The following ZBTB7C variants were observed in gnomAD, a reference collection of about 807,000 sequenced individuals.
ZBTB7C encodes the protein zinc finger and BTB domain-containing protein 7C.
A neutral mutation model predicts 25.7 loss-of-function variants in ZBTB7C; 8 were observed. The ratio of observed to expected loss-of-function variants is 0.31; its 90% CI spans 0.18 to 0.56. ZBTB7C has a LOEUF of 0.56. ZBTB7C is among the 20% of genes least tolerant of loss of function. The probability of loss-of-function intolerance (pLI) is 0.91; values close to 1 mark genes in which losing one functional copy is unlikely to be tolerated. For synonymous variants in ZBTB7C, 394 were observed against 369.0 expected (o/e 1.07, Z -0.78); for missense variants, 824 against 855.2 (o/e 0.96, Z 0.46).
At chr18:48,046,955 C>T (rs896190193) in intron 3 of ZBTB7C, among the ~76,000 whole-genome samples, 1 of 152,156 alleles carries the variant, frequency 6.6e-6, no homozygotes, top group African/African-American at 2.4e-5. Context: ...GCTGGTTTTC[C>T]CAGCAGTGAC....
At chr18:48,186,270 T>C (rs1184778221) in intron 2 of ZBTB7C, among the ~76,000 whole-genome samples, 1 of 152,196 alleles carries the variant, frequency 6.6e-6, no homozygotes, top group Non-Finnish European at 1.5e-5. Flanking sequence ...TCCAATTCCC[T>C]GAAGGCGCCC....
At chr18:48,189,740 C>G (rs1599066085) in intron 2 of ZBTB7C, among the ~76,000 whole-genome samples, 1 of 152,154 alleles carries the variant, frequency 6.6e-6, no homozygotes, top group Non-Finnish European at 1.5e-5. Flanking sequence ...CCTGGGTGCT[C>G]TCAATCCCAA....
intron 3 of ZBTB7C, among the ~76,000 whole-genome samples, chr18:48,126,834 A>G (rs573052580): frequency 7.1e-5 from 10 of 141,762 alleles, no homozygotes; most frequent in African/African-American, 2.5e-4. Context: ...CAGGAAACAG[A>G]GAAAATGACT....
chr18:48,227,034 A>G (rs866977854), intron 2 of ZBTB7C, among the ~76,000 whole-genome samples: 170 of 149,520 alleles, frequency 1.1e-3, no homozygotes, highest in African/African-American at 3.6e-3. Flanking sequence ...AAAAAAAAAA[A>G]AAAAGAAAAA....
intron 2 of ZBTB7C, among the ~76,000 whole-genome samples, chr18:48,234,163 C>G (rs559074051): frequency 4.3e-4 from 65 of 152,110 alleles, no homozygotes; most frequent in African/African-American, 1.5e-3. Context: ...AAAAACAACC[C>G]TTCTTTCTGA....
At chr18:48,347,587 C>A (rs1459191300) in intron 1 of ZBTB7C, among the ~76,000 whole-genome samples, 1 of 152,134 alleles carries the variant, frequency 6.6e-6, no homozygotes, top group African/African-American at 2.4e-5. Context: ...CTGGGCACAC[C>A]AGCTTCCACC....
intron 3 of ZBTB7C, among the ~76,000 whole-genome samples, chr18:48,059,599 C>T (rs928692681): frequency 6.6e-6 from 1 of 152,198 alleles, no homozygotes; most frequent in African/African-American, 2.4e-5. Context: ...AGGGCTGTCA[C>T]TTCTTACTAC....
intron 2 of ZBTB7C, among the ~76,000 whole-genome samples, chr18:48,255,800 A>G (rs2044005247): frequency 6.6e-6 from 1 of 152,204 alleles, no homozygotes; most frequent in African/African-American, 2.4e-5. Flanking sequence ...AACATCTTTA[A>G]ATCAGATGTG....
At chr18:48,139,883 C>T (rs1019278454) in intron 3 of ZBTB7C, among the ~76,000 whole-genome samples, 5 of 152,180 alleles carry the variant, frequency 3.3e-5, no homozygotes, top group African/African-American at 1.2e-4. Flanking sequence ...TGGATTCCTT[C>T]CTAGGCCCTC....
At chr18:48,156,671 G>T (rs2040848918) in intron 3 of ZBTB7C, among the ~76,000 whole-genome samples, 1 of 152,160 alleles carries the variant, frequency 6.6e-6, no homozygotes, top group Non-Finnish European at 1.5e-5. Flanking sequence ...ACAATAGGAA[G>T]CCTCATGGCA....
At chr18:48,294,663 C>A (rs1445783914) in intron 2 of ZBTB7C, among the ~76,000 whole-genome samples, 1 of 150,890 alleles carries the variant, frequency 6.6e-6, no homozygotes, top group African/African-American at 2.4e-5. Context: ...TGTTGACCTG[C>A]CCCCCACCCC....
At chr18:48,228,784 TAC>T (rs1219639770) in intron 2 of ZBTB7C, among the ~76,000 whole-genome samples, 3 of 122,458 alleles carry the variant, frequency 2.4e-5, no homozygotes, top group African/African-American at 8.2e-5. Context: ...CTCGTGCTCA[TAC>T]ACACTCGTAC....
chr18:48,373,211 C>T (rs2145171216), intron 1 of ZBTB7C, among the ~76,000 whole-genome samples: 1 of 150,860 alleles, frequency 6.6e-6, no homozygotes, highest in African/African-American at 2.4e-5. Flanking sequence ...GGGGCGGATC[C>T]CTCACGGCTT....
chr18:48,078,922 A>G lies in ZBTB7C; in HGVS notation c.-16-37799T>C, dbSNP rs1050537331. Among the ~76,000 whole-genome samples, 5 of 152,102 alleles carry G rather than the reference A, an allele frequency of 3.3e-5. No individual in the cohort carries two copies. In the East Asian group the frequency reaches 7.7e-4, roughly 23 times the overall value. On this transcript the variant is annotated intron_variant, in intron 3 of 4. Transcript: ENST00000590800. Reference sequence around the variant, plus strand: ...CTAAATAATATTCCACTGAATGCATATATCACAATTTGTTCATTCATTCAT... The same window carrying G: ...CTAAATAATATTCCACTGAATGCATGTATCACAATTTGTTCATTCATTCAT...
intron 3 of ZBTB7C, among the ~76,000 whole-genome samples, chr18:48,060,343 C>T (rs1466330769): frequency 4.6e-5 from 7 of 152,188 alleles, no homozygotes; most frequent in Non-Finnish European, 1.0e-4. Flanking sequence ...CCACCCTTCA[C>T]TTCCGCCAAC....
chr18:48,133,802 G>A (rs891772162), intron 3 of ZBTB7C, among the ~76,000 whole-genome samples: 9 of 152,102 alleles, frequency 5.9e-5, no homozygotes, highest in Non-Finnish European at 1.2e-4. Flanking sequence ...CTCTCAACCC[G>A]ATTCCCCTCC....
At chr18:48,041,525 C>A in intron 3 of ZBTB7C, 2 of 985,444 alleles carry the variant, frequency 2.0e-6, no homozygotes, top group Non-Finnish European at 2.4e-6. Context: ...GGGGCAAGGA[C>A]CTCTCAGTGC....
intron 3 of ZBTB7C, among the ~76,000 whole-genome samples, chr18:48,073,428 T>C (rs1180957985): frequency 1.3e-5 from 2 of 150,568 alleles, no homozygotes; most frequent in African/African-American, 4.9e-5. Flanking sequence ...GGGCGGGAGG[T>C]GGTGGGCAGG....
intron 3 of ZBTB7C, among the ~76,000 whole-genome samples, chr18:48,057,111 A>G (rs1270828187): frequency 2.0e-5 from 3 of 151,854 alleles, no homozygotes; most frequent in Admixed American, 1.3e-4. Context: ...ATAAATATAA[A>G]TAGCTTTTAA....
Sources: allele counts gnomAD v4.1 joint callset (sites outside exome capture counted in the v4.1 genomes callset), GRCh38; gene constraint gnomAD v4.1.1; transcripts MANE v1.5; gene names NCBI Gene and HGNC (gene_info 2026-07-23, HGNC 2026-07-21).